The following KDM4C variants were observed in gnomAD, a reference collection of about 807,000 sequenced individuals.
KDM4C encodes lysine-specific demethylase 4C.
A neutral mutation model predicts 129.3 loss-of-function variants in KDM4C; 81 were observed. The observed-to-expected ratio is 0.63, with a 90% CI of 0.52 to 0.75. The LOEUF is 0.75. KDM4C is among the 30% of genes least tolerant of loss of function. The pLI, the probability that KDM4C is intolerant of heterozygous loss-of-function variation, is 0.00. For synonymous variants in KDM4C, 573 were observed against 456.1 expected (o/e 1.26, Z -3.26); for missense variants, 1,457 against 1,304.0 (o/e 1.12, Z -1.81).
intron 1 of KDM4C, among the ~76,000 whole-genome samples, chr9:6,769,071 C>A (rs893910278): frequency 2.6e-5 from 4 of 152,114 alleles, no homozygotes; most frequent in Non-Finnish European, 5.9e-5. Context: ...CTACACCTGG[C>A]CTGGAGTTTG....
intron 12 of KDM4C, among the ~76,000 whole-genome samples, chr9:7,004,563 G>A (rs1036015366): frequency 2.0e-5 from 3 of 151,932 alleles, no homozygotes; most frequent in Admixed American, 6.6e-5. Flanking sequence ...TTCTTCTAAT[G>A]TATGCATTAT....
chr9:6,993,353 A>T (rs760205689), intron 12 of KDM4C, among the ~76,000 whole-genome samples: 12 of 152,136 alleles, frequency 7.9e-5, no homozygotes, highest in Non-Finnish European at 1.6e-4. Flanking sequence ...TTTAACTGAA[A>T]TGTTTTTCAG....
chr9:6,833,267 T>A (rs1032222854), intron 4 of KDM4C, among the ~76,000 whole-genome samples: 1 of 152,158 alleles, frequency 6.6e-6, no homozygotes, highest in Non-Finnish European at 1.5e-5. Flanking sequence ...ACAGAATGCA[T>A]ATCTGTGAGT....
intron 5 of KDM4C, among the ~76,000 whole-genome samples, chr9:6,869,160 G>A (rs929046945): frequency 3.3e-5 from 5 of 152,176 alleles, no homozygotes; most frequent in Admixed American, 1.3e-4. Context: ...TTCTTGTAAG[G>A]ATTTTTTCTC....
intron 4 of KDM4C, among the ~76,000 whole-genome samples, chr9:6,845,495 A>G (rs774075184): frequency 6.6e-6 from 1 of 152,184 alleles, no homozygotes; most frequent in Non-Finnish European, 1.5e-5. Context: ...GATTACAGGC[A>G]TGAGCCACTG....
At chr9:6,790,584 C>G (rs1226022572) in intron 1 of KDM4C, among the ~76,000 whole-genome samples, 1 of 141,124 alleles carries the variant, frequency 7.1e-6, no homozygotes, top group South Asian at 2.2e-4. Context: ...GTTACTATCT[C>G]ATGACGTTTC....
At chr9:6,957,866 G>A (rs1829348931) in intron 8 of KDM4C, among the ~76,000 whole-genome samples, 1 of 152,112 alleles carries the variant, frequency 6.6e-6, no homozygotes, top group South Asian at 2.1e-4. Flanking sequence ...TCATGTTCAT[G>A]GACAATAAAA....
intron 17 of KDM4C, among the ~76,000 whole-genome samples, chr9:7,070,442 C>A (rs1833036917): frequency 1.3e-5 from 2 of 152,022 alleles, no homozygotes; most frequent in Admixed American, 6.6e-5. Context: ...AACTGTAGAC[C>A]CATATTCATC....
intron 8 of KDM4C, among the ~76,000 whole-genome samples, chr9:6,911,874 A>G (rs1819382681): frequency 6.6e-6 from 1 of 152,068 alleles, no homozygotes; most frequent in African/African-American, 2.4e-5. Flanking sequence ...CTGAGGGGGT[A>G]AACACCCCAT....
intron 15 of KDM4C, among the ~76,000 whole-genome samples, chr9:7,046,549 GT>G (rs1829425143): frequency 6.6e-6 from 1 of 151,960 alleles, no homozygotes; most frequent in Non-Finnish European, 1.5e-5. Flanking sequence ...TGTGGACTAG[GT>G]TCTCTGGACT....
intron 5 of KDM4C, among the ~76,000 whole-genome samples, chr9:6,855,458 CAAAAAAAAAAAAA>C (rs34177301): frequency 4.3e-5 from 3 of 70,086 alleles, no homozygotes; most frequent in Admixed American, 3.3e-4. Flanking sequence ...GACTCCGTCT[CAAAAAAAAAAAAA>C]AAAAAAAAAA....
At chr9:7,153,930 G>T (rs1421665864) in intron 19 of KDM4C, among the ~76,000 whole-genome samples, 1 of 152,188 alleles carries the variant, frequency 6.6e-6, no homozygotes, top group East Asian at 1.9e-4. Flanking sequence ...AACCTCTGCT[G>T]TAGGCCTGTG....
At chr9:7,030,943 A>G (rs1361530030) in intron 15 of KDM4C, among the ~76,000 whole-genome samples, 1 of 152,094 alleles carries the variant, frequency 6.6e-6, no homozygotes, top group Non-Finnish European at 1.5e-5. Context: ...ATGCACATTT[A>G]TTATTTACTG....
intron 8 of KDM4C, among the ~76,000 whole-genome samples, chr9:6,917,365 C>T (rs982008638): frequency 1.3e-5 from 2 of 152,190 alleles, no homozygotes; most frequent in African/African-American, 4.8e-5. Flanking sequence ...ATTGATCCTA[C>T]TTTTCATGGT....
At chr9:6,941,596 C>T (rs1018581620) in intron 8 of KDM4C, 1 of 152,210 alleles carries the variant, frequency 6.6e-6, no homozygotes, top group African/African-American at 2.4e-5. Context: ...GAGGGCAGGG[C>T]ATGCATGCAG....
intron 4 of KDM4C, chr9:6,818,842 C>G (rs1832566491): frequency 6.6e-6 from 1 of 152,258 alleles, no homozygotes; most frequent in Middle Eastern, 3.4e-3. Flanking sequence ...TTAGAGAAGT[C>G]ATTATGCATA....
At chr9:6,759,984 T>TAAAA (rs1011215011) in intron 1 of KDM4C, among the ~76,000 whole-genome samples, 4 of 148,452 alleles carry the variant, frequency 2.7e-5, no homozygotes, top group Non-Finnish European at 6.0e-5. Flanking sequence ...AATAAATAAA[T>TAAAA]AAATAAATAA....
chr9:7,096,566 A>G (rs569110621), intron 17 of KDM4C, among the ~76,000 whole-genome samples: 2 of 152,318 alleles, frequency 1.3e-5, no homozygotes, highest in Admixed American at 6.5e-5. Flanking sequence ...CAGACAGACA[A>G]CTATGAAATA....
rs368918142 is a variant in KDM4C, at chr9:6,746,639, G to A, written c.49+25642G>A. On this transcript the variant is annotated intron_variant, in intron 1 of 17. Transcript: ENST00000536108. ...TCACGCCCGAAATCCCAGCACTTTG[G>A]GACACCAAGGTGGGAGGATCGCTTG... is the stretch of plus-strand genomic sequence containing the variant. Among the ~76,000 whole-genome samples, 24 of 151,702 alleles carry A rather than the reference G, an allele frequency of 1.6e-4. No homozygotes were observed. The East Asian group carries it at 2.3e-3, about 15-fold the overall frequency.
Sources: allele counts gnomAD v4.1 joint callset (sites outside exome capture counted in the v4.1 genomes callset), GRCh38; gene constraint gnomAD v4.1.1; transcripts MANE v1.5; gene names NCBI Gene and HGNC (gene_info 2026-07-23, HGNC 2026-07-21).